Variants in FAM171A1 observed in about 807,000 individuals in gnomAD.
FAM171A1 encodes the protein family with sequence similarity 171 member A1.
FAM171A1 carries 23 observed loss-of-function variants against 74.9 expected under a neutral mutation model. That is an observed-to-expected ratio of 0.31 (90% CI 0.22 to 0.44). The LOEUF (loss-of-function observed/expected upper bound fraction) is 0.44. Ranked by LOEUF, FAM171A1 falls within the 20% of genes least tolerant of loss-of-function variation. The pLI, the probability that FAM171A1 is intolerant of heterozygous loss-of-function variation, is 1.00. For missense variants in FAM171A1, 1,162 were observed against 1,159.2 expected (o/e 1.00, Z -0.03); for synonymous variants, 527 against 505.7 (o/e 1.04, Z -0.57).
chr10:15,287,229 A>C (rs10752360), intron 1 of FAM171A1, among the ~76,000 whole-genome samples: 47,401 of 145,072 alleles, frequency 0.33, 8,995 homozygotes, highest in East Asian at 0.65. Flanking sequence ...GTAGCTGGGA[A>C]TACAGGCACC....
chr10:15,351,512 C>A (rs1014616523), intron 1 of FAM171A1, among the ~76,000 whole-genome samples: 2 of 151,932 alleles, frequency 1.3e-5, no homozygotes, highest in African/African-American at 2.4e-5. Flanking sequence ...CTATAAACGA[C>A]CATGCAAATA....
intron 2 of FAM171A1, among the ~76,000 whole-genome samples, chr10:15,277,145 G>A (rs1408069919): frequency 2.0e-5 from 3 of 152,088 alleles, no homozygotes; most frequent in East Asian, 3.9e-4. Flanking sequence ...TTTACTAACA[G>A]GACAAACAGT....
intron 3 of FAM171A1, among the ~76,000 whole-genome samples, chr10:15,265,626 T>C (rs188040392): frequency 2.1e-5 from 3 of 145,382 alleles, no homozygotes; most frequent in Admixed American, 2.1e-4. Context: ...AAGTAGTCTA[T>C]GTAGGAAGTA....
chr10:15,339,828 CACA>C lies in FAM171A1; in HGVS notation c.97+31125_97+31127del, dbSNP rs528033507. On this transcript the variant is annotated intron_variant, in intron 1 of 7. Transcript: ENST00000378116. ...TAAAGAAAAAGAGGCTTAATGGACT[CACA>C]GTTCCGTGTGGCTCGGGAGGCCTCA... 4.6e-5 allele frequency among the ~76,000 whole-genome samples: 7 copies of C among 152,288 alleles called. No individual in the cohort carries two copies. The South Asian group carries it at 1.5e-3, about 32-fold the overall frequency.
At chr10:15,225,875 G>A (rs1564615364) in intron 5 of FAM171A1, among the ~76,000 whole-genome samples, 1 of 152,322 alleles carries the variant, frequency 6.6e-6, no homozygotes, top group Middle Eastern at 3.4e-3. Flanking sequence ...GCTCCTGGGT[G>A]AGGACATCTG....
chr10:15,260,264 C>T (rs1309338453), intron 3 of FAM171A1, among the ~76,000 whole-genome samples: 1 of 152,200 alleles, frequency 6.6e-6, no homozygotes, highest in African/African-American at 2.4e-5. Flanking sequence ...GCTCTATTTG[C>T]ATCTCTCTTG....
chr10:15,362,320 T>A (rs1733011927), intron 1 of FAM171A1, among the ~76,000 whole-genome samples: 1 of 152,238 alleles, frequency 6.6e-6, no homozygotes, highest in Admixed American at 6.5e-5. Flanking sequence ...AATTTGCAAC[T>A]TTTAGGAATC....
chr10:15,317,075 A>T (rs1161709846), intron 1 of FAM171A1, among the ~76,000 whole-genome samples: 1 of 152,066 alleles, frequency 6.6e-6, no homozygotes, highest in East Asian at 1.9e-4. Context: ...CAAGGTGGCA[A>T]CAGTTGTATA....
chr10:15,340,760 T>A (rs1349590902), intron 1 of FAM171A1, among the ~76,000 whole-genome samples: 1 of 152,178 alleles, frequency 6.6e-6, no homozygotes, highest in Non-Finnish European at 1.5e-5. Context: ...TGTATTTGGA[T>A]ACTGAGAGCA....
intron 3 of FAM171A1, among the ~76,000 whole-genome samples, chr10:15,264,842 C>G (rs1388446673): frequency 6.7e-6 from 1 of 148,864 alleles, no homozygotes; most frequent in Non-Finnish European, 1.5e-5. Context: ...TATTTATCTA[C>G]ATGGTAGTAA....
intron 1 of FAM171A1, among the ~76,000 whole-genome samples, chr10:15,318,300 G>C (rs1026200812): frequency 7.2e-5 from 11 of 152,144 alleles, no homozygotes; most frequent in Non-Finnish European, 1.5e-4. Context: ...AAAGAGATTC[G>C]GGAATCCTCC....
intron 1 of FAM171A1, among the ~76,000 whole-genome samples, chr10:15,316,585 C>T (rs1256997080): frequency 6.6e-6 from 1 of 152,160 alleles, no homozygotes; most frequent in Non-Finnish European, 1.5e-5. Context: ...CACCTCCAAC[C>T]AATAACTTTT....
At chr10:15,268,142 A>C (rs548101260) in intron 3 of FAM171A1, among the ~76,000 whole-genome samples, 1 of 152,262 alleles carries the variant, frequency 6.6e-6, no homozygotes, top group Admixed American at 6.5e-5. Flanking sequence ...CTGGACAACC[A>C]CAGAAGCCAC....
At chr10:15,214,968 C>A (rs1393674906) in intron 7 of FAM171A1, among the ~76,000 whole-genome samples, 2 of 152,026 alleles carry the variant, frequency 1.3e-5, no homozygotes, top group Non-Finnish European at 2.9e-5. Context: ...GCCTGTGTTG[C>A]CCAGGCTGGT....
intron 3 of FAM171A1, among the ~76,000 whole-genome samples, chr10:15,256,817 T>C (rs1217035908): frequency 7.2e-5 from 11 of 152,190 alleles, no homozygotes; most frequent in Admixed American, 7.2e-4. Flanking sequence ...CTGTTTCTCA[T>C]CCCTTCTCCC....
intron 1 of FAM171A1, among the ~76,000 whole-genome samples, chr10:15,293,160 G>A (rs753726133): frequency 1.3e-5 from 2 of 152,126 alleles, no homozygotes; most frequent in Non-Finnish European, 2.9e-5. Context: ...ATAGAATAAT[G>A]TCTGGCACAC....
chr10:15,233,521 G>GGTGTGTGTGT lies in FAM171A1; in HGVS notation c.755-12471_755-12462dup, dbSNP rs61637156. 4.7e-3 allele frequency among the ~76,000 whole-genome samples: 684 copies of GGTGTGTGTGT among 145,368 alleles called. 4 individuals are homozygous for GGTGTGTGTGT. The highest frequency in any genetic ancestry group is 0.02 in the South Asian group (88 of 4,482). The stretch of plus-strand genomic sequence containing the variant: ...TTCTGCACATGCCGGGTGTATTCAG[G>GGTGTGTGTGT]GTGTGTGTGTGTGTGTGTGTGTGTG... On this transcript the variant is annotated intron_variant, in intron 5 of 7. Transcript: ENST00000378116.
At position 15,326,324 on chromosome 10, in the gene FAM171A1, T is replaced by C. The variant is rs192788325; in HGVS notation, c.98-42219A>G. 3.1e-3 allele frequency among the ~76,000 whole-genome samples: 477 copies of C among 152,194 alleles called. 1 individual carries two copies. The highest frequency in any genetic ancestry group is 0.011 in the African/African-American group (448 of 41,520). On this transcript the variant is annotated intron_variant, in intron 1 of 7. Transcript: ENST00000378116. Reference sequence around the variant, plus strand: ...TCCCACAATCCCACAATTCTTTTTTTTTTGTTTTGAGACGGCATCTCGCTC... The same window carrying C: ...TCCCACAATCCCACAATTCTTTTTTCTTTGTTTTGAGACGGCATCTCGCTC...
intron 1 of FAM171A1, among the ~76,000 whole-genome samples, chr10:15,350,368 C>G (rs553491781): frequency 6.6e-6 from 1 of 152,020 alleles, no homozygotes; most frequent in Non-Finnish European, 1.5e-5. Context: ...GATGGAATCT[C>G]ACTGTGTTGC....
Sources: allele counts gnomAD v4.1 joint callset (sites outside exome capture counted in the v4.1 genomes callset), GRCh38; gene constraint gnomAD v4.1.1; transcripts MANE v1.5; gene names NCBI Gene and HGNC (gene_info 2026-07-23, HGNC 2026-07-21).